ST3GAL1: variants seen among roughly 807,000 people sequenced by gnomAD.
ST3GAL1 encodes ST3 beta-galactoside alpha-2,3-sialyltransferase 1.
A neutral mutation model predicts 34.1 loss-of-function variants in ST3GAL1; 16 were observed. That is an observed-to-expected ratio of 0.47 (90% CI 0.32 to 0.71). ST3GAL1 has a LOEUF of 0.71. ST3GAL1 is among the 30% of genes least tolerant of loss of function. ST3GAL1 has a pLI of 0.04. For missense variants in ST3GAL1, 353 were observed against 447.4 expected (o/e 0.79, Z 1.90); for synonymous variants, 191 against 184.7 (o/e 1.03, Z -0.28).
At chr8:133,476,148 G>A (rs1816168658) in intron 4 of ST3GAL1, 74 bp from the exon 5 acceptor site, 1 of 1,144,512 alleles carries the variant, frequency 8.7e-7, no homozygotes, top group Non-Finnish European at 1.2e-6. Context: ...GGAATTCCAA[G>A]GGAGGACACA....
intron 1 of ST3GAL1, among the ~76,000 whole-genome samples, chr8:133,568,748 G>A (rs1240862933): frequency 6.6e-6 from 1 of 152,088 alleles, no homozygotes; most frequent in African/African-American, 2.4e-5. Context: ...ACATGGGAGA[G>A]GGCCCTTCCT....
chr8:133,471,906 C>T (rs921369922), intron 5 of ST3GAL1, among the ~76,000 whole-genome samples: 44 of 151,970 alleles, frequency 2.9e-4, no homozygotes, highest in African/African-American at 9.4e-4. Flanking sequence ...GAGGGTCGCA[C>T]TCTTTCTGTC....
intron 2 of ST3GAL1, among the ~76,000 whole-genome samples, chr8:133,531,396 G>A (rs1471432713): frequency 1.3e-5 from 2 of 152,060 alleles, no homozygotes; most frequent in East Asian, 1.9e-4. Context: ...GTACCTGGCT[G>A]TTCTAAGAGC....
rs181146780 is a variant in ST3GAL1, at chr8:133,510,565, G to C, written c.-428-11376C>G. 7.2e-5 allele frequency among the ~76,000 whole-genome samples: 11 copies of C among 152,268 alleles called. No homozygotes were observed. In the East Asian group the frequency reaches 1.9e-3, roughly 27 times the overall value. ...AATGGGAATGCAAGTAAAAATGAGAGTGGATTGAAAATTTCAGTTTAAAAT... is the reference window on the plus strand; with the variant it reads ...AATGGGAATGCAAGTAAAAATGAGACTGGATTGAAAATTTCAGTTTAAAAT... On this transcript the variant is annotated intron_variant, in intron 2 of 9. Coordinates refer to ENST00000522652, the MANE Select transcript of ST3GAL1 (RefSeq NM_173344.3).
chr8:133,461,826 G>A lies in ST3GAL1; in HGVS notation c.849+49C>T, dbSNP rs1815520642. On this transcript the variant is annotated intron_variant, in intron 9 of 9. Coordinates refer to ENST00000522652, the MANE Select transcript of ST3GAL1 (RefSeq NM_173344.3). The surrounding 1 kb of genome is among the most constrained non-coding windows in gnomAD (Gnocchi z 4.7). ...CTCCCTGGCCTCTCTTGGGAACACA[G>A]GACGGTGAGCTTCGAGGCAGCCCTG... The A allele has an allele frequency of 1.2e-6, 2 of 1,610,960 alleles. No individual in the cohort carries two copies. Among genetic ancestry groups the A allele is most frequent in the East Asian group, 4.5e-5 (2 of 44,826 alleles).
chr8:133,541,169 T>G, intron 2 of ST3GAL1, among the ~76,000 whole-genome samples: 2 of 121,378 alleles, frequency 1.6e-5, no homozygotes, highest in Admixed American at 8.2e-5. Context: ...TGTCTCTCCC[T>G]CTTTCTCACC....
At chr8:133,476,224 G>A in intron 4 of ST3GAL1, 54 bp downstream of exon 4, 1 of 565,202 alleles carries the variant, frequency 1.8e-6, no homozygotes, top group East Asian at 3.0e-5. Flanking sequence ...AGACACGGCT[G>A]TGTGGTAGAC....
At chr8:133,521,219 C>T (rs1249513774) in intron 2 of ST3GAL1, among the ~76,000 whole-genome samples, 3 of 143,258 alleles carry the variant, frequency 2.1e-5, no homozygotes, top group African/African-American at 2.6e-5. Flanking sequence ...CTGCAACCTC[C>T]GCTTCCTGGG....
rs183033843 is a variant in ST3GAL1, at chr8:133,551,633, T to C, written c.-581-5707A>G. Among the ~76,000 whole-genome samples, 12 of 150,748 alleles carry C rather than the reference T, an allele frequency of 8.0e-5. No individual in the cohort carries two copies. In the East Asian group the frequency reaches 2.3e-3, roughly 29 times the overall value. On this transcript the variant is annotated intron_variant, in intron 1 of 9. Coordinates refer to ENST00000522652, the MANE Select transcript of ST3GAL1 (RefSeq NM_173344.3). ...AAGAAAGAAAGAGCGAGCAAGCCTT[T>C]CTCTGAGTTTTACTTTACTCATTGG...
At chr8:133,539,104 A>C (rs2131059534) in intron 2 of ST3GAL1, among the ~76,000 whole-genome samples, 1 of 152,308 alleles carries the variant, frequency 6.6e-6, no homozygotes, top group South Asian at 2.1e-4. Flanking sequence ...AGGACTCCTG[A>C]GCTCAGCTGA....
intron 2 of ST3GAL1, among the ~76,000 whole-genome samples, chr8:133,540,674 C>T (rs369399084): frequency 6.7e-6 from 1 of 149,308 alleles, no homozygotes; most frequent in South Asian, 2.1e-4. Context: ...TGCCCTGGGA[C>T]CCCCTGCCCC....
intron 3 of ST3GAL1, among the ~76,000 whole-genome samples, chr8:133,491,418 A>G (rs1259971800): frequency 3.3e-5 from 5 of 152,168 alleles, no homozygotes; most frequent in Admixed American, 6.5e-5. Context: ...AGAAGAGACA[A>G]TTCAGAGCTC....
chr8:133,530,341 A>G (rs944574295), intron 2 of ST3GAL1, among the ~76,000 whole-genome samples: 1 of 151,060 alleles, frequency 6.6e-6, no homozygotes, highest in Admixed American at 6.6e-5. Flanking sequence ...AAGTGCAATG[A>G]CACCATCTCG....
At chr8:133,528,250 G>A (rs1818037194) in intron 2 of ST3GAL1, among the ~76,000 whole-genome samples, 1 of 152,104 alleles carries the variant, frequency 6.6e-6, no homozygotes, top group Non-Finnish European at 1.5e-5. Flanking sequence ...AGGGCCCCCA[G>A]AGACCACACC....
intron 2 of ST3GAL1, chr8:133,544,072 G>T (rs752829121): frequency 1.1e-4 from 17 of 152,196 alleles, no homozygotes; most frequent in Non-Finnish European, 2.5e-4. Flanking sequence ...TCTCATCAGT[G>T]GAGTCTCTGC....
At chr8:133,474,440 C>T (rs538475069) in intron 5 of ST3GAL1, among the ~76,000 whole-genome samples, 7 of 152,308 alleles carry the variant, frequency 4.6e-5, no homozygotes, top group Non-Finnish European at 7.3e-5. Flanking sequence ...TGCTCTTCTT[C>T]GATCTATTTT....
chr8:133,471,167 T>C (rs1815942169), intron 5 of ST3GAL1, among the ~76,000 whole-genome samples: 1 of 152,102 alleles, frequency 6.6e-6, no homozygotes, highest in Non-Finnish European at 1.5e-5. Context: ...TGCTGTTGGT[T>C]TCCCTGGCCC....
intron 2 of ST3GAL1, among the ~76,000 whole-genome samples, chr8:133,533,792 C>T (rs1295438634): frequency 6.6e-6 from 1 of 152,178 alleles, no homozygotes; most frequent in Non-Finnish European, 1.5e-5. Context: ...TTCAGTATCT[C>T]TCTCCTGGGA....
chr8:133,481,783 AC>A (rs5895192), intron 3 of ST3GAL1, among the ~76,000 whole-genome samples: 46,243 of 151,726 alleles, frequency 0.3, 7,226 homozygotes, highest in Admixed American at 0.35. Flanking sequence ...GGCATGAGCC[AC>A]CATGCCCAGT....
Sources: gnomAD v4.1 joint callset for allele counts (sites outside exome capture counted in the v4.1 genomes callset) on GRCh38, gnomAD v4.1.1 for gene constraint, Gnocchi (gnomAD v3.1) non-coding constraint, MANE v1.5 for transcripts, NCBI Gene and HGNC (gene_info 2026-07-23, HGNC 2026-07-21) for gene names.